ZFC3H1: variants seen among roughly 807,000 people sequenced by gnomAD.
The protein encoded by ZFC3H1 is zinc finger C3H1-type containing.
Under a neutral mutation model 243.7 loss-of-function variants are expected in ZFC3H1, and 71 were observed. That is an observed-to-expected ratio of 0.29 (90% confidence interval 0.24 to 0.36). ZFC3H1 has a LOEUF of 0.36. Among genes scored for constraint, ZFC3H1 ranks in the 10% least tolerant of loss-of-function variants. The pLI is 1.00. For synonymous variants in ZFC3H1, 838 were observed against 813.0 expected (o/e 1.03, Z -0.52); for missense variants, 1,966 against 2,317.1 (o/e 0.85, Z 3.11).
intron 1 of ZFC3H1, among the ~76,000 whole-genome samples, chr12:71,661,405 A>T (rs1252172696): frequency 6.6e-6 from 1 of 151,272 alleles, no homozygotes; most frequent in African/African-American, 2.4e-5. Context: ...ATTAAGAAAC[A>T]CCGTGGGCAG....
chr12:71,614,557 G>A lies in ZFC3H1; in HGVS notation c.5504C>T (p.Ser1835Phe). 4 of 1,597,352 alleles carry A rather than the reference G, an allele frequency of 2.5e-6. No individual in the cohort carries two copies. Among genetic ancestry groups the A allele is most frequent in the Non-Finnish European group, 3.4e-6 (4 of 1,173,438 alleles). ...TACCCTATTATGAAATTCATAGTTG[G>A]ACCAGTAATCAGCACTGCTAAAAGG... Reference protein sequence around the residue: ...PIPFSSADYWSNYEFHNRVIF... With the variant: ...PIPFSSADYWFNYEFHNRVIF... Residue 1835 changes from serine (S) to phenylalanine (F), a missense_variant, in exon 30 of 35, where the codon TCC becomes TTC. Transcript: ENST00000378743.
At chr12:71,619,183 T>A in intron 27 of ZFC3H1, 132 bp downstream of exon 27, 2 of 672,848 alleles carry the variant, frequency 3.0e-6, no homozygotes, top group Non-Finnish European at 4.9e-6. Context: ...CTGTTTCAAG[T>A]ATTCTGTTAA....
rs762607578 is a variant in ZFC3H1 at position 71,644,285 on chromosome 12, G to A, written c.1313C>T (p.Ala438Val). The change falls in exon 5 of 35, where the codon GCA (alanine) becomes GTA (valine). Residue 438 changes from alanine to valine, a missense_variant. Transcript: ENST00000378743. Reference protein sequence around the residue: ...KQALRKQQTKAWKKLQQQKEQ... With the variant: ...KQALRKQQTKVWKKLQQQKEQ... ...TTTTTGTTGTTGTAGTTTCTTCCAT[G>A]CCTTTGTTTGCTGCTTCCTCAATGC... The A allele has an allele frequency of 1.2e-6, 2 of 1,613,012 alleles. No homozygotes were observed. Among genetic ancestry groups the A allele is most frequent in the Admixed American group, 1.7e-5 (1 of 59,934 alleles).
chr12:71,633,562 G>A, intron 12 of ZFC3H1, 124 bp from the exon 13 acceptor site: 4 of 671,644 alleles, frequency 6.0e-6, no homozygotes, highest in Non-Finnish European at 9.8e-6. Flanking sequence ...AGATAAAAAT[G>A]TAAAGGGATG....
At chr12:71,626,932 A>T (rs1204901859) in intron 21 of ZFC3H1, among the ~76,000 whole-genome samples, 1 of 152,212 alleles carries the variant, frequency 6.6e-6, no homozygotes, top group Admixed American at 6.5e-5. Context: ...TCATAAAATA[A>T]TGTATGGTTC....
chr12:71,646,970 C>G (rs1395769428), intron 3 of ZFC3H1, among the ~76,000 whole-genome samples: 1 of 152,142 alleles, frequency 6.6e-6, no homozygotes, highest in East Asian at 1.9e-4. Context: ...TCAAATGACT[C>G]TTACTTCATC....
Position 71,632,190 on chromosome 12 carries a change from A to G in ZFC3H1, c.3142T>C (p.Leu1048=). ...GSSRERRRSF[L]ESNYFTKPNL... is the part of the protein sequence containing the mutation. ...GGTTTAGTAAAATAATTGGATTCTAAAAAAGATCTTCTTCGCTCTCTGCTT... is the reference window on the plus strand; with the variant it reads ...GGTTTAGTAAAATAATTGGATTCTAGAAAAGATCTTCTTCGCTCTCTGCTT... Residue 1048 remains leucine (L), a synonymous_variant, in exon 15 of 35, where the codon TTA becomes CTA. Coordinates refer to ENST00000378743, the MANE Select transcript of ZFC3H1 (RefSeq NM_144982.5). 1 of 1,604,780 alleles carries G rather than the reference A, an allele frequency of 6.2e-7. No individual in the cohort carries two copies. The highest frequency in any genetic ancestry group is 1.1e-5 in the South Asian group (1 of 89,890).
chr12:71,653,048 T>G (rs1880931376), intron 2 of ZFC3H1, among the ~76,000 whole-genome samples: 1 of 150,314 alleles, frequency 6.7e-6, no homozygotes, highest in Admixed American at 6.6e-5. Context: ...AAAACAAACA[T>G]CAGAAATCAA....
rs1879858036 is a variant in ZFC3H1, at chr12:71,614,901, C to T, written c.5293G>A (p.Val1765Met). 6.2e-7 allele frequency: 1 copy of T among 1,613,888 alleles called. No individual in the cohort carries two copies. Among genetic ancestry groups the T allele is most frequent in the Non-Finnish European group, 8.5e-7 (1 of 1,179,840 alleles). The change falls in exon 29 of 35, where the codon GTG (valine) becomes ATG (methionine). Residue 1765 changes from valine (V) to methionine (M), a missense_variant. By Grantham distance (21) the Val-to-Met change is conservative (BLOSUM62 1). Around this residue, in one of 4 missense-constraint regions of ZFC3H1, gnomAD observed 1,383 missense variants for 1,723.7 expected, o/e 0.80. Coordinates refer to ENST00000378743, the MANE Select transcript of ZFC3H1 (RefSeq NM_144982.5). ...CCTAATGCTGCCTCATATGCCTCCACTGTTTCTTTAATACTTGATTGAAGA... is the reference window on the plus strand; with the variant it reads ...CCTAATGCTGCCTCATATGCCTCCATTGTTTCTTTAATACTTGATTGAAGA... ...HPLQSSIKETVEAYEAALGVA... is the reference protein window; with the variant it reads ...HPLQSSIKETMEAYEAALGVA...
At chr12:71,623,206 T>C (rs1458813270) in intron 24 of ZFC3H1, among the ~76,000 whole-genome samples, 154 bp downstream of exon 24, 2 of 152,226 alleles carry the variant, frequency 1.3e-5, no homozygotes, top group Admixed American at 1.3e-4. Context: ...GATTCAAGAC[T>C]TAATTTGCCT....
intron 1 of ZFC3H1, among the ~76,000 whole-genome samples, chr12:71,662,416 A>G (rs1025114160): frequency 3.9e-5 from 6 of 152,124 alleles, no homozygotes; most frequent in Admixed American, 2.6e-4. Context: ...AAGGAGGTAA[A>G]GTGTTCCAAA....
At chr12:71,618,122 G>A (rs1055362060) in intron 27 of ZFC3H1, among the ~76,000 whole-genome samples, 11 of 151,880 alleles carry the variant, frequency 7.2e-5, no homozygotes, top group African/African-American at 1.9e-4. Flanking sequence ...AAAATTAGCC[G>A]GGCGTGGGGG....
rs796272930 is a variant in ZFC3H1, at chr12:71,657,715, G to A, written c.599-414C>T. Among the ~76,000 whole-genome samples the A allele has an allele frequency of 6.6e-5, 10 of 152,300 alleles. No homozygotes were observed. In the South Asian group the frequency reaches 8.3e-4, roughly 13 times the overall value. On this transcript the variant is annotated intron_variant, in intron 1 of 34. Transcript: ENST00000378743. ...TAGTTTACACTTCAGGGGGCCAGGC[G>A]CGGTGGCTCACGCCTGTAATCCCAG...
chr12:71,657,629 T>C (rs940489924), intron 1 of ZFC3H1, among the ~76,000 whole-genome samples: 2 of 152,172 alleles, frequency 1.3e-5, no homozygotes, highest in Non-Finnish European at 2.9e-5. Flanking sequence ...ATTAGCTGTA[T>C]GTTAGAGATT....
intron 2 of ZFC3H1, among the ~76,000 whole-genome samples, chr12:71,649,091 C>CAAAAAAA (rs35231608): frequency 1.1e-5 from 1 of 89,818 alleles, no homozygotes. Context: ...ACTCTTGTCT[C>CAAAAAAA]AAAAAAAAAA....
chr12:71,631,707 T>C, intron 16 of ZFC3H1, 71 bp downstream of exon 16: 1 of 1,274,166 alleles, frequency 7.8e-7, no homozygotes, highest in Middle Eastern at 2.4e-4. Context: ...TATCATCAAA[T>C]ATTCAAGATA....
intron 2 of ZFC3H1, among the ~76,000 whole-genome samples, chr12:71,651,939 A>G (rs1274754771): frequency 6.6e-6 from 1 of 152,230 alleles, no homozygotes; most frequent in Non-Finnish European, 1.5e-5. Context: ...GGGTGAAAGA[A>G]CTGAAGTGAA....
Position 71,633,011 on chromosome 12 carries a change from T to G in ZFC3H1, c.2692A>C (p.Arg898=). The change falls in exon 14 of 35, where the codon AGA becomes CGA. Residue 898 remains arginine, a synonymous_variant. Coordinates refer to ENST00000378743, the MANE Select transcript of ZFC3H1 (RefSeq NM_144982.5). ...TTAATTGTAACACGCTGTTGAACTC[T>G]GTGAATCTGAAAAATATAGAATAAT... ...FLKKLQEQIH[R]VQQRVTIKKA... The G allele has an allele frequency of 6.3e-7, 1 of 1,594,018 alleles. No homozygotes were observed.
At chr12:71,641,949 A>G (rs1357650699) in intron 6 of ZFC3H1, among the ~76,000 whole-genome samples, 2 of 152,196 alleles carry the variant, frequency 1.3e-5, no homozygotes, top group African/African-American at 4.8e-5. Context: ...TTCCAGGTTC[A>G]AGAAATTCTC....
Sources: gnomAD v4.1 joint callset for allele counts (sites outside exome capture counted in the v4.1 genomes callset) on GRCh38, gnomAD v4.1.1 for gene constraint, gnomAD v4.1.1 regional missense constraint, MANE v1.5 for transcripts, NCBI Gene and HGNC (gene_info 2026-07-23, HGNC 2026-07-21) for gene names.